Variants in MEGF8 observed in about 807,000 individuals in gnomAD.
MEGF8 encodes multiple epidermal growth factor-like domains protein 8.
Under a neutral mutation model 302.9 loss-of-function variants are expected in MEGF8, and 156 were observed. That is an observed-to-expected ratio of 0.52 (90% confidence interval 0.45 to 0.59). The LOEUF is 0.59. MEGF8 is among the 20% of genes least tolerant of loss of function. The pLI is 0.00. For missense variants in MEGF8, 3,345 were observed against 3,964.5 expected (o/e 0.84, Z 4.20); for synonymous variants, 1,621 against 1,660.5 (o/e 0.98, Z 0.58).
At position 42,351,639 on chromosome 19, in the gene MEGF8, A is replaced by G; in HGVS notation, c.2988-9A>G. 1 of 1,590,950 alleles carries G rather than the reference A, an allele frequency of 6.3e-7. No individual in the cohort carries two copies. Among genetic ancestry groups the G allele is most frequent in the Non-Finnish European group, 8.6e-7 (1 of 1,169,316 alleles). On this transcript the variant is annotated splice_polypyrimidine_tract_variant and intron_variant, in intron 17 of 41. Coordinates refer to ENST00000251268, the MANE Select transcript of MEGF8 (RefSeq NM_001271938.2). This position sits in a 1 kb window ranked among gnomAD's most constrained non-coding sequence, Gnocchi z 5.6. ...TGGGGCTCTGACCCCCACCCCTGCC[A>G]TCCTGCAGTGTACACTCGGAGCCAC... is the stretch of plus-strand genomic sequence containing the variant.
In MEGF8 at chr19:42,371,451, C is replaced by T. The variant is rs1440375672; in HGVS notation, c.7238C>T (p.Pro2413Leu). ...ACGGGCACATGCCAGGGCAGCTCCC[C>T]CAGTGACCGTCGAGACTGCTACAAG... ...TETGTCQGSS[P>L]SDRRDCYKYQ... Residue 2413 changes from proline to leucine, a missense_variant, in exon 41 of 42, where the codon CCC becomes CTC. Transcript: ENST00000251268. 4 of 1,613,932 alleles carry T rather than the reference C, an allele frequency of 2.5e-6. No individual in the cohort carries two copies. The highest frequency in any genetic ancestry group is 3.3e-5 in the Admixed American group (2 of 60,022).
rs755839114 is a variant in MEGF8, at chr19:42,351,751, A to G, written c.3091A>G (p.Thr1031Ala). 1 of 1,577,802 alleles carries G rather than the reference A, an allele frequency of 6.3e-7. No individual in the cohort carries two copies. Among genetic ancestry groups the G allele is most frequent in the South Asian group, 1.2e-5 (1 of 86,068 alleles). The change falls in exon 18 of 42, where the codon ACA becomes GCA. Residue 1031 changes from threonine (T) to alanine (A), a missense_variant. Coordinates refer to ENST00000251268, the MANE Select transcript of MEGF8 (RefSeq NM_001271938.2). This position sits in a 1 kb window ranked among gnomAD's most constrained non-coding sequence, Gnocchi z 5.6. ...CTGGTGTGGCAATGAGGACAACCCC[A>G]CACTGGGACGGTGAGCCCGGGCAGG... Reference protein sequence around the residue: ...CGWCGNEDNPTLGRCLQGDFS... With the variant: ...CGWCGNEDNPALGRCLQGDFS...
Position 42,344,660 on chromosome 19 carries a change from G to C in MEGF8, c.1934-10G>C, listed in dbSNP as rs561901740. 19 of 1,564,950 alleles carry C rather than the reference G, an allele frequency of 1.2e-5. No homozygotes were observed. In the African/African-American group the frequency reaches 1.2e-4, roughly 10 times the overall value. On this transcript the variant is annotated splice_polypyrimidine_tract_variant and intron_variant, in intron 11 of 41. Coordinates refer to ENST00000251268, the MANE Select transcript of MEGF8 (RefSeq NM_001271938.2). The surrounding 1 kb of genome is among the most constrained non-coding windows in gnomAD (Gnocchi z 4.5). ...ACTGACCCACCGGCCCCCACCCCCT[G>C]TCTTCTCAGAGCAGGCCCGCTGCCG...
chr19:42,356,533 G>A lies in MEGF8; in HGVS notation c.4622+80G>A. 1.7e-6 allele frequency: 2 copies of A among 1,191,608 alleles called. No individual in the cohort carries two copies. Among genetic ancestry groups the A allele is most frequent in the Non-Finnish European group, 1.2e-6 (1 of 865,854 alleles). The allele number at this position is 1,191,608 out of a possible 1,614,324, so 73.8% of individuals were successfully genotyped here. ...ATGCTAAGAGTCACCTCAGAGGAGTGCAGAAAAGCCTCTAAGGTAAAGGAC... is the reference window on the plus strand; with the variant it reads ...ATGCTAAGAGTCACCTCAGAGGAGTACAGAAAAGCCTCTAAGGTAAAGGAC... On this transcript the variant is annotated intron_variant, in intron 26 of 41. Transcript: ENST00000251268. This position sits in a 1 kb window ranked among gnomAD's most constrained non-coding sequence, Gnocchi z 5.2.
chr19:42,371,642 A>G (rs2147512190), intron 41 of MEGF8, among the ~76,000 whole-genome samples, 160 bp downstream of exon 41: 1 of 152,278 alleles, frequency 6.6e-6, no homozygotes, highest in South Asian at 2.1e-4. Flanking sequence ...AGCCCCATTC[A>G]GTTACAGGCC....
At chr19:42,362,909 T>C in intron 34 of MEGF8, 139 bp from the exon 35 acceptor site, 1 of 760,814 alleles carries the variant, frequency 1.3e-6, no homozygotes, top group Non-Finnish European at 2.1e-6. Context: ...ATCTCTTGGG[T>C]CTGAGGGAGG....
In MEGF8 at chr19:42,360,923, G is replaced by A; in HGVS notation, c.5637G>A (p.Leu1879=). 3 of 1,612,012 alleles carry A rather than the reference G, an allele frequency of 1.9e-6. No homozygotes were observed. Among genetic ancestry groups the A allele is most frequent in the Non-Finnish European group, 2.5e-6 (3 of 1,178,930 alleles). The change falls in exon 32 of 42, where the codon CTG becomes CTA. Residue 1879 remains leucine (L), a synonymous_variant. Coordinates refer to ENST00000251268, the MANE Select transcript of MEGF8 (RefSeq NM_001271938.2). ...CCCTGCCCCCTGACCCCTGCCGCCTGCTGTCCTCACCTGAAGCTTGTAACC... is the reference window on the plus strand; with the variant it reads ...CCCTGCCCCCTGACCCCTGCCGCCTACTGTCCTCACCTGAAGCTTGTAACC... ...ALTLPPDPCR[L]LSSPEACNQS...
At position 42,335,177 on chromosome 19, in the gene MEGF8, C is replaced by A. The variant is rs1458992981; in HGVS notation, c.701C>A (p.Ala234Asp). 6.2e-7 allele frequency: 1 copy of A among 1,613,974 alleles called. No homozygotes were observed. The highest frequency in any genetic ancestry group is 8.5e-7 in the Non-Finnish European group (1 of 1,179,878). The stretch of plus-strand genomic sequence containing the variant: ...TCTGCCCGTATTGGGGCAGCTGGCG[C>A]CTTCCTGTCCCCACCAGGGCTGCTG... Reference protein sequence around the residue: ...AFSARIGAAGAFLSPPGLLAV... With the variant: ...AFSARIGAAGDFLSPPGLLAV... Residue 234 changes from alanine (A) to aspartate (D), a missense_variant, in exon 4 of 42, where the codon GCC becomes GAC. Transcript: ENST00000251268.
chr19:42,333,058 G>T (rs2039075516), intron 1 of MEGF8, among the ~76,000 whole-genome samples: 1 of 152,210 alleles, frequency 6.6e-6, no homozygotes, highest in African/African-American at 2.4e-5. Context: ...GTGAGACTCT[G>T]GATGGGGACA....
rs201626121 is a variant in MEGF8 at position 42,358,869 on chromosome 19, G to A, written c.5258G>A (p.Arg1753Gln). The A allele has an allele frequency of 2.9e-5, 46 of 1,610,312 alleles. No homozygotes were observed. The Admixed American group carries it at 3.7e-4, about 13-fold the overall frequency. Residue 1753 changes from arginine to glutamine, a missense_variant, in exon 30 of 42, where the codon CGG (arginine) becomes CAG (glutamine). By Grantham distance (43) the Arg-to-Gln change is conservative. Coordinates refer to ENST00000251268, the MANE Select transcript of MEGF8 (RefSeq NM_001271938.2). The surrounding 1 kb of genome is among the most constrained non-coding windows in gnomAD (Gnocchi z 4.4). ...PGEQPGSWGF[R>Q]EVRKKMALWA... ...GAGCAGCCTGGGTCATGGGGGTTCC[G>A]GGAAGTCAGGAAGAAGATGGCTCTG...
At chr19:42,346,820 T>C (rs1038753803) in intron 12 of MEGF8, among the ~76,000 whole-genome samples, 6 of 151,246 alleles carry the variant, frequency 4.0e-5, no homozygotes, top group Non-Finnish European at 8.9e-5. Flanking sequence ...CTGTCTCTAA[T>C]AAAAATACAA....
intron 31 of MEGF8, among the ~76,000 whole-genome samples, chr19:42,359,494 A>C (rs1226324049): frequency 6.6e-6 from 1 of 152,046 alleles, no homozygotes; most frequent in African/African-American, 2.4e-5. Flanking sequence ...AAGAAAAAAA[A>C]ACACCCATAA....
Position 42,356,386 on chromosome 19 carries a change from C to T in MEGF8, c.4555C>T (p.Pro1519Ser). Residue 1519 changes from proline to serine, a missense_variant, in exon 26 of 42, where the codon CCC (proline) becomes TCC (serine). Transcript: ENST00000251268. The surrounding 1 kb of genome is among the most constrained non-coding windows in gnomAD (Gnocchi z 5.2). ...HRLGHTMVDG[P>S]DATLWMFGGL... ...CCTGGGCCACACCATGGTGGATGGA[C>T]CCGATGCCACCTTGTGGATGTTTGG... is the stretch of plus-strand genomic sequence containing the variant. 4.3e-6 allele frequency: 7 copies of T among 1,613,048 alleles called. No homozygotes were observed. Among genetic ancestry groups the T allele is most frequent in the Non-Finnish European group, 5.9e-6 (7 of 1,179,558 alleles).
At position 42,356,774 on chromosome 19, in the gene MEGF8, G is replaced by A; in HGVS notation, c.4623G>A (p.Arg1541=). The change falls in exon 27 of 42, where the codon AGG becomes AGA. Residue 1541 remains arginine (R), a splice_region_variant and synonymous_variant. Transcript: ENST00000251268. The surrounding 1 kb of genome is among the most constrained non-coding windows in gnomAD (Gnocchi z 5.2). ...CTGCTTTTTTGCACCCTGGCCCCAG[G>A]TACTCAGTGAGTGAGCGGCGGTGGA... ...LPQGLLGNLY[R]YSVSERRWTQ... 6.5e-7 allele frequency: 1 copy of A among 1,547,122 alleles called. No individual in the cohort carries two copies. Among genetic ancestry groups the A allele is most frequent in the Non-Finnish European group, 8.7e-7 (1 of 1,144,414 alleles).
In MEGF8 at chr19:42,376,261, C is replaced by T; in HGVS notation, c.8024C>T (p.Ala2675Val). ...LCVLLWKAKQ[A>V]LDQRQEQRRH... ...GTGCTCCTCTGGAAGGCCAAGCAGG[C>T]TCTGGACCAGCGGCAGGAGCAGCGC... Residue 2675 changes from alanine to valine, a missense_variant, in exon 42 of 42, where the codon GCT (alanine) becomes GTT (valine). Coordinates refer to ENST00000251268, the MANE Select transcript of MEGF8 (RefSeq NM_001271938.2). This position sits in a 1 kb window ranked among gnomAD's most constrained non-coding sequence, Gnocchi z 8.2. 1 of 1,611,098 alleles carries T rather than the reference C, an allele frequency of 6.2e-7. No homozygotes were observed. Among genetic ancestry groups the T allele is most frequent in the Non-Finnish European group, 8.5e-7 (1 of 1,178,772 alleles).
At chr19:42,339,122 A>G (rs2039177757) in intron 8 of MEGF8, among the ~76,000 whole-genome samples, 1 of 152,050 alleles carries the variant, frequency 6.6e-6, no homozygotes, top group African/African-American at 2.4e-5. Flanking sequence ...GCGTGAGCCA[A>G]TGCGCCTGGC....
At chr19:42,359,987 A>C (rs769084370) in intron 31 of MEGF8, among the ~76,000 whole-genome samples, 4 of 146,720 alleles carry the variant, frequency 2.7e-5, no homozygotes, top group African/African-American at 5.1e-5. Flanking sequence ...TTTTTCTCTT[A>C]ATCTGTCTTT....
chr19:42,352,375 C>G lies in MEGF8; in HGVS notation c.3269C>G (p.Thr1090Ser). ...LGLARCHPRATCLNTPLSYEC... is the reference protein window; with the variant it reads ...LGLARCHPRASCLNTPLSYEC... ...CTGGCCCGGTGCCACCCGCGGGCGA[C>G]CTGCCTGAACACGCCCCTCAGCTAC... is the stretch of plus-strand genomic sequence containing the variant. Residue 1090 changes from threonine to serine, a missense_variant, in exon 19 of 42, where the codon ACC (threonine) becomes AGC (serine). Physicochemically the swap from Thr to Ser is moderately conservative, Grantham distance 58. Coordinates refer to ENST00000251268, the MANE Select transcript of MEGF8 (RefSeq NM_001271938.2). This position sits in a 1 kb window ranked among gnomAD's most constrained non-coding sequence, Gnocchi z 4.4. The G allele has an allele frequency of 1.3e-6, 2 of 1,590,988 alleles. No individual in the cohort carries two copies. The highest frequency in any genetic ancestry group is 1.7e-6 in the Non-Finnish European group (2 of 1,169,580).
At chr19:42,366,388 A>C (rs906182036) in intron 35 of MEGF8, among the ~76,000 whole-genome samples, 47 of 152,004 alleles carry the variant, frequency 3.1e-4, no homozygotes, top group Non-Finnish European at 1.5e-5. Flanking sequence ...TTTAGTAGAG[A>C]CTGGGTGTCA....
Sources: allele counts gnomAD v4.1 joint callset (sites outside exome capture counted in the v4.1 genomes callset), GRCh38; gene constraint gnomAD v4.1.1; non-coding constraint Gnocchi (gnomAD v3.1); transcripts MANE v1.5; gene names NCBI Gene and HGNC (gene_info 2026-07-23, HGNC 2026-07-21).